The following CEP290 variants were observed in gnomAD, a reference collection of about 807,000 sequenced individuals.
CEP290 encodes the protein centrosomal protein 290.
CEP290 carries 317 observed loss-of-function variants against 344.9 expected under a neutral mutation model. The ratio of observed to expected loss-of-function variants is 0.92; its 90% CI spans 0.84 to 1.01. The LOEUF is 1.01. CEP290 is among the 50% of genes least tolerant of loss of function. CEP290 has a pLI of 0.00. For synonymous variants in CEP290, 932 were observed against 895.8 expected (o/e 1.04, Z -0.72); for missense variants, 2,754 against 2,761.4 (o/e 1.00, Z 0.06).
intron 26 of CEP290, 38 bp from the exon 27 acceptor site, chr12:88,097,037 T>A: frequency 9.7e-7 from 1 of 1,026,844 alleles, no homozygotes. Flanking sequence ...AACTACATTG[T>A]AATTCAGACC....
chr12:88,097,330 C>T (rs1316815059), intron 26 of CEP290, among the ~76,000 whole-genome samples: 1 of 151,908 alleles, frequency 6.6e-6, no homozygotes, highest in African/African-American at 2.4e-5. Flanking sequence ...ACGCTATTCT[C>T]ATAATAGTAA....
Position 88,089,235 on chromosome 12 carries a change from C to T in CEP290, c.3826G>A (p.Gly1276Arg), listed in dbSNP as rs267603712. The change falls in exon 31 of 54, where the codon GGA becomes AGA. Residue 1276 changes from glycine to arginine, a missense_variant. Physicochemically the swap from Gly to Arg is moderately radical, Grantham distance 125 (BLOSUM62 -2). Coordinates refer to ENST00000552810, the MANE Select transcript of CEP290 (RefSeq NM_025114.4). ...TCCTGTTGTGCCAAGGGTAAAGCTC[C>T]ACTAAACTGTCGTCGTAGAGACTGA... ...TIQSLRRQFS[G>R]ALPLAQQEKF... The T allele has an allele frequency of 2.9e-5, 46 of 1,613,692 alleles. No individual in the cohort carries two copies. The highest frequency in any genetic ancestry group is 4.0e-5 in the African/African-American group (3 of 74,898).
At position 88,053,693 on chromosome 12, in the gene CEP290, T is replaced by A. The variant is rs928776519; in HGVS notation, c.7088A>T (p.Glu2363Val). The A allele has an allele frequency of 2.6e-6, 4 of 1,555,552 alleles. No individual in the cohort carries two copies. The African/African-American group carries it at 5.4e-5, about 21-fold the overall frequency. The change falls in exon 52 of 54, where the codon GAA becomes GTA. Residue 2363 changes from glutamate (E) to valine (V), a missense_variant. Physicochemically the swap from Glu to Val is moderately radical, Grantham distance 121 (BLOSUM62 -2). Transcript: ENST00000552810. ...AGCTCCACTTTGGTCCTTGTTAGCT[T>A]CTATCTGATGGATTAATTCTGCTTT... The part of the protein sequence containing the change: ...KEKAELIHQI[E>V]ANKDQSGAES...
At chr12:88,107,803 G>A (rs767604187) in intron 23 of CEP290, among the ~76,000 whole-genome samples, 3 of 151,836 alleles carry the variant, frequency 2.0e-5, no homozygotes, top group African/African-American at 7.3e-5. Context: ...TTGGGAGGCT[G>A]AGGCAAGAAA....
chr12:88,121,189 A>G (rs1007582799), intron 13 of CEP290, 23 bp from the exon 14 acceptor site: 2 of 1,582,226 alleles, frequency 1.3e-6, no homozygotes, highest in African/African-American at 2.7e-5. Flanking sequence ...AACAAAAATC[A>G]TGAATTGAAT....
rs61941023 is a variant in CEP290, at chr12:88,126,606, T to C, written c.943-168A>G. ...TGGCATAATCTCTGTTCCTTTTGTA[T>C]ATACAACCTGAAATTCAAATAGAAA... On this transcript the variant is annotated intron_variant, in intron 11 of 53. Coordinates refer to ENST00000552810, the MANE Select transcript of CEP290 (RefSeq NM_025114.4). Among the ~76,000 whole-genome samples, 346 of 152,252 alleles carry C rather than the reference T, an allele frequency of 2.3e-3. 1 individual carries two copies. Among genetic ancestry groups the C allele is most frequent in the South Asian group, 9.1e-3 (44 of 4,832 alleles).
intron 49 of CEP290, among the ~76,000 whole-genome samples, chr12:88,057,217 G>A (rs2034080027): frequency 6.6e-6 from 1 of 152,226 alleles, no homozygotes; most frequent in Non-Finnish European, 1.5e-5. Context: ...CCACAGAAAG[G>A]ATATAATTTA....
At chr12:88,115,922 A>C in intron 18 of CEP290, 1 of 984,750 alleles carries the variant, frequency 1.0e-6, no homozygotes, top group Non-Finnish European at 1.2e-6. Context: ...AGGGTACTTC[A>C]CTTTTTATTA....
intron 5 of CEP290, among the ~76,000 whole-genome samples, chr12:88,138,714 C>G (rs999710243): frequency 6.6e-6 from 1 of 152,222 alleles, no homozygotes; most frequent in Non-Finnish European, 1.5e-5. Context: ...GGGTATTCCT[C>G]CTTTCAAAGG....
In CEP290 at chr12:88,130,294, G is replaced by T; in HGVS notation, c.643C>A (p.Leu215Ile). 1.2e-6 allele frequency: 2 copies of T among 1,606,196 alleles called. No homozygotes were observed. The highest frequency in any genetic ancestry group is 8.5e-7 in the Non-Finnish European group (1 of 1,177,666). ...TGAATTTCATCAAGATATTGGATAA[G>T]CTCATAGTTTTTTTTAGACAACTGT... ...RSQLSKKNYE[L>I]IQYLDEIQTL... Residue 215 changes from leucine (L) to isoleucine (I), a missense_variant, in exon 9 of 54, where the codon CTT becomes ATT. Leu to Ile is a conservative substitution (Grantham distance 5). Transcript: ENST00000552810.
intron 50 of CEP290, among the ~76,000 whole-genome samples, chr12:88,055,149 G>A (rs1314407035): frequency 6.6e-6 from 1 of 152,098 alleles, no homozygotes; most frequent in Non-Finnish European, 1.5e-5. Context: ...GCTTTGTGAT[G>A]TGCTTTATGT....
Position 88,089,498 on chromosome 12 carries a change from A to G in CEP290, c.3574-11T>C. 1 of 1,412,348 alleles carries G rather than the reference A, an allele frequency of 7.1e-7. No individual in the cohort carries two copies. The highest frequency in any genetic ancestry group is 9.3e-7 in the Non-Finnish European group (1 of 1,078,676). The allele number at this position is 1,412,348 out of a possible 1,614,324, so 87.5% of individuals were successfully genotyped here. ...TTCATCAGACTGTGCCTGATATTAA[A>G]AAAAATATATATTTGTAGTAAGTTT... On this transcript the variant is annotated splice_polypyrimidine_tract_variant and intron_variant, in intron 30 of 53. Coordinates refer to ENST00000552810, the MANE Select transcript of CEP290 (RefSeq NM_025114.4).
In CEP290 at chr12:88,118,905, C is replaced by T. The variant is rs138019050; in HGVS notation, c.1523-162G>A. Among the ~76,000 whole-genome samples the T allele has an allele frequency of 4.5e-3, 687 of 152,246 alleles. 12 individuals are homozygous for T. The highest frequency in any genetic ancestry group is 0.015 in the African/African-American group (637 of 41,536). ...TTTTCCAGATATTTAAACTGTAACC[C>T]AAGTTAAAATTTTATCACAATTATT... On this transcript the variant is annotated intron_variant, in intron 15 of 53. Transcript: ENST00000552810.
rs2038951968 is a variant in CEP290, at chr12:88,114,997, A to G, written c.1909+101T>C. Reference sequence around the variant, plus strand: ...ACAGTACAGAGGTAATTAGGAGTAAAGCAGATTAGAAAACAGAGAATGTGT... The same window carrying G: ...ACAGTACAGAGGTAATTAGGAGTAAGGCAGATTAGAAAACAGAGAATGTGT... On this transcript the variant is annotated intron_variant, in intron 19 of 53. Transcript: ENST00000552810. 6.2e-6 allele frequency: 4 copies of G among 641,592 alleles called. No homozygotes were observed. In the African/African-American group the frequency reaches 7.6e-5, roughly 12 times the overall value. 39.7% of individuals were successfully genotyped at this position (641,592 alleles called of 1,614,324 possible).
rs748034744 is a variant in CEP290 at position 88,111,226 on chromosome 12, A to G, written c.2343T>C (p.Asn781=). 13 of 1,415,316 alleles carry G rather than the reference A, an allele frequency of 9.2e-6. No homozygotes were observed. The East Asian group carries it at 2.3e-4, about 25-fold the overall frequency. The allele number at this position is 1,415,316 out of a possible 1,614,324, so 87.7% of individuals were successfully genotyped here. Residue 781 remains asparagine (N), a synonymous_variant, in exon 22 of 54, where the codon AAT becomes AAC. Transcript: ENST00000552810. ...PSSASIINSQ[N]EYLIHLLQEL... The stretch of plus-strand genomic sequence containing the variant: ...CCTGTAACAAATGTATTAAATATTC[A>G]TTCTGAGAATTAATGATACTGGCAC...
rs377227262 is a variant in CEP290 at position 88,087,906 on chromosome 12, A to C, written c.4068T>G (p.Leu1356=). 3.2e-5 allele frequency: 39 copies of C among 1,214,654 alleles called. No homozygotes were observed. The African/African-American group carries it at 4.4e-4, about 14-fold the overall frequency. The allele number at this position is 1,214,654 out of a possible 1,614,324, so 75.2% of individuals were successfully genotyped here. A position where few individuals can be genotyped will look rare whatever the true frequency, so the allele number is the denominator to read the frequency against. ...ATTCCCGATTTAGTTTAAGTTCTTGAAGACGAAGTTCTTCTATTTTCATAT... is the reference window on the plus strand; with the variant it reads ...ATTCCCGATTTAGTTTAAGTTCTTGCAGACGAAGTTCTTCTATTTTCATAT... ...NWHMKIEELR[L]QELKLNRELV... is the part of the protein sequence containing the mutation. Residue 1356 remains leucine (L), a synonymous_variant, in exon 32 of 54, where the codon CTT becomes CTG. Transcript: ENST00000552810.
At position 88,102,956 on chromosome 12, in the gene CEP290, G is replaced by A. The variant is rs546463648; in HGVS notation, c.2873C>T (p.Ser958Phe). 1.8e-4 allele frequency: 283 copies of A among 1,594,060 alleles called. 1 individual carries two copies. The South Asian group carries it at 3.1e-3, about 18-fold the overall frequency. ...ATTAGCCAGTTCTAGTTCAGACAAAGAAACACTATTATCTACAACTTTTTG... is the reference window on the plus strand; with the variant it reads ...ATTAGCCAGTTCTAGTTCAGACAAAAAAACACTATTATCTACAACTTTTTG... ...ALQKVVDNSV[S>F]LSELELANKQ... Residue 958 changes from serine to phenylalanine, a missense_variant, in exon 26 of 54, where the codon TCT becomes TTT. Coordinates refer to ENST00000552810, the MANE Select transcript of CEP290 (RefSeq NM_025114.4).
chr12:88,081,282 C>T (rs897549897), intron 37 of CEP290, among the ~76,000 whole-genome samples: 2 of 152,100 alleles, frequency 1.3e-5, no homozygotes, highest in African/African-American at 4.8e-5. Flanking sequence ...CCTATATTGA[C>T]ATATTGAAAA....
At chr12:88,053,572 C>T in intron 52 of CEP290, 80 bp downstream of exon 52, 1 of 665,720 alleles carries the variant, frequency 1.5e-6, no homozygotes, top group Non-Finnish European at 2.7e-6. Context: ...GATCAGAAAT[C>T]TGAGCCAAAA....
Sources: allele counts gnomAD v4.1 joint callset (sites outside exome capture counted in the v4.1 genomes callset), GRCh38; gene constraint gnomAD v4.1.1; transcripts MANE v1.5; gene names NCBI Gene and HGNC (gene_info 2026-07-23, HGNC 2026-07-21).